TBC1D3B: variants seen among roughly 807,000 people sequenced by gnomAD.
TBC1D3B encodes Rab GTPase-activating protein PRC17 duplicate.
Under a neutral mutation model 27.1 loss-of-function variants are expected in TBC1D3B, and 2 were observed. The ratio of observed to expected loss-of-function variants is 0.07; its 90% CI spans 0.03 to 0.23. TBC1D3B has a LOEUF of 0.23. Among genes scored for constraint, TBC1D3B ranks in the 10% least tolerant of loss-of-function variants. The pLI is 1.00. For synonymous variants in TBC1D3B, 3 were observed against 150.1 expected, an observed-to-expected ratio of 0.02 and a Z score of 7.16; for missense variants, 17 against 401.3, an observed-to-expected ratio of 0.04 and a Z score of 8.18.
At chr17:36,169,631 C>T (rs1207062812) in intron 9 of TBC1D3B, among the ~76,000 whole-genome samples, 7 of 124,792 alleles carry the variant, frequency 5.6e-5, no homozygotes, top group Admixed American at 1.6e-4. Context: ...GAATCAGAGC[C>T]GGAGGGCGTG....
intron 7 of TBC1D3B, among the ~76,000 whole-genome samples, chr17:36,170,907 A>G (rs1432991789): frequency 2.2e-5 from 2 of 89,454 alleles, no homozygotes; most frequent in African/African-American, 5.4e-5. Context: ...ACGGTTCCAA[A>G]CCAATGTGCA....
chr17:36,171,382 G>A (rs1221665885), intron 7 of TBC1D3B, among the ~76,000 whole-genome samples: 23 of 150,734 alleles, frequency 1.5e-4, no homozygotes, highest in African/African-American at 5.3e-4. Context: ...TGTGGTTCAA[G>A]TCCATCGAGC....
rs1167944919 is a variant in TBC1D3B, at chr17:36,172,392, GATCT to G, written c.285_288del (p.Asp96GlufsTer8). 6.4e-7 allele frequency: 1 copy of G among 1,552,090 alleles called. No individual in the cohort carries two copies. The highest frequency in any genetic ancestry group is 8.9e-7 in the Non-Finnish European group (1 of 1,129,018). ...TTCATGGGCATTCCCTTGTACGCTC[GATCT>G]ATGAGCTGTGGGCAGAAAACAATCT... On this transcript the variant is annotated frameshift_variant, in exon 6 of 14. Transcript: ENST00000611257. LOFTEE classifies it high-confidence loss of function.
At chr17:36,167,882 CGA>C (rs2068284503) in intron 12 of TBC1D3B, among the ~76,000 whole-genome samples, 183 bp downstream of exon 12, 1 of 110,280 alleles carries the variant, frequency 9.1e-6, no homozygotes. Flanking sequence ...ACCACACTCT[CGA>C]CTTTCATCTG....
intron 7 of TBC1D3B, among the ~76,000 whole-genome samples, chr17:36,171,238 C>G (rs1454937677): frequency 6.6e-6 from 1 of 150,604 alleles, no homozygotes; most frequent in Non-Finnish European, 1.5e-5. Flanking sequence ...TCTCCCCATT[C>G]CCGTGTTGAA....
chr17:36,167,078 A>C (rs1213055866), intron 13 of TBC1D3B, among the ~76,000 whole-genome samples: 194 of 107,346 alleles, frequency 1.8e-3, no homozygotes, highest in African/African-American at 4.8e-3. Context: ...CTCTCCCTGA[A>C]TGCTCTGTGG....
At chr17:36,171,102 G>A (rs1482527413) in intron 7 of TBC1D3B, among the ~76,000 whole-genome samples, 11 of 143,980 alleles carry the variant, frequency 7.6e-5, no homozygotes, top group Non-Finnish European at 4.7e-5. Flanking sequence ...TACGGTGGTA[G>A]CTTATTGGGT....
intron 7 of TBC1D3B, among the ~76,000 whole-genome samples, chr17:36,170,917 A>G (rs1208349263): frequency 0.19 from 14,678 of 78,486 alleles, 83 homozygotes; most frequent in East Asian, 0.33. Flanking sequence ...ACCAATGTGC[A>G]GAGTCTCCCG....
chr17:36,169,202 T>C, intron 9 of TBC1D3B, 28 bp from the exon 10 acceptor site: 5 of 1,589,256 alleles, frequency 3.1e-6, no homozygotes, highest in Non-Finnish European at 1.7e-6. Context: ...CATCATGAAA[T>C]CAGAGCCTTC....
chr17:36,171,509 T>A (rs1314333264), intron 7 of TBC1D3B, among the ~76,000 whole-genome samples: 1 of 151,328 alleles, frequency 6.6e-6, no homozygotes, highest in East Asian at 1.9e-4. Context: ...GCTGTCACTG[T>A]TGCCTGGGGG....
At chr17:36,169,355 C>A (rs1265740292) in intron 9 of TBC1D3B, among the ~76,000 whole-genome samples, 181 bp from the exon 10 acceptor site, 1 of 149,588 alleles carries the variant, frequency 6.7e-6, no homozygotes, top group South Asian at 2.1e-4. Context: ...TTCCCTGGAG[C>A]CTGGCTGGAG....
chr17:36,165,732 T>A lies in TBC1D3B; in HGVS notation c.*263A>T. ...AAACGTGAAGGTAGTTATCCTTCCA[T>A]GAGTTTAAAGTACAAAGGCAGGCTC... On this transcript the variant is annotated 3_prime_UTR_variant, in exon 14 of 14. Coordinates refer to ENST00000611257, the MANE Select transcript of TBC1D3B (RefSeq NM_001001417.7). 3 of 976,046 alleles carry A rather than the reference T, an allele frequency of 3.1e-6. No individual in the cohort carries two copies. Among genetic ancestry groups the A allele is most frequent in the South Asian group, 3.2e-5 (2 of 62,960 alleles). 60.5% of individuals were successfully genotyped at this position (976,046 alleles called of 1,614,324 possible). A position where few individuals can be genotyped will look rare whatever the true frequency, so the allele number is the denominator to read the frequency against.
intron 7 of TBC1D3B, among the ~76,000 whole-genome samples, chr17:36,171,450 C>A (rs1024651833): frequency 2.0e-5 from 3 of 150,988 alleles, no homozygotes; most frequent in African/African-American, 7.2e-5. Flanking sequence ...ATGTTCCCAG[C>A]GGACCTGGAT....
At chr17:36,167,894 G>GTCC (rs2068284933) in intron 12 of TBC1D3B, among the ~76,000 whole-genome samples, 173 bp downstream of exon 12, 24,001 of 87,462 alleles carry the variant, frequency 0.27, 2,177 homozygotes, top group Non-Finnish European at 0.36. Flanking sequence ...ACTTTCATCT[G>GTCC]GGTCATGTGA....
At chr17:36,171,468 T>A (rs1319488472) in intron 7 of TBC1D3B, among the ~76,000 whole-genome samples, 2 of 151,076 alleles carry the variant, frequency 1.3e-5, no homozygotes, top group African/African-American at 4.8e-5. Context: ...GATGAGAGTT[T>A]CCAGGACCCC....
Position 36,175,074 on chromosome 17 carries a change from G to A in TBC1D3B, c.-1-23C>T, listed in dbSNP as rs1555539766. ...ATCCTGTGAGACAAAATTGTCTAAA[G>A]GTCACACTGTACGCGGCGGCTTCGG... On this transcript the variant is annotated intron_variant, in intron 1 of 13. Transcript: ENST00000611257. 2.0e-5 allele frequency: 19 copies of A among 927,774 alleles called. 8 individuals are homozygous for A. The highest frequency in any genetic ancestry group is 2.9e-5 in the Non-Finnish European group (19 of 655,890). The allele number at this position is 927,774 out of a possible 1,614,324, so 57.5% of individuals were successfully genotyped here.
chr17:36,171,565 T>C (rs1003582909), intron 7 of TBC1D3B, among the ~76,000 whole-genome samples: 4 of 150,534 alleles, frequency 2.7e-5, no homozygotes, highest in Non-Finnish European at 6.0e-5. Context: ...GGTCCTACCA[T>C]GGGTCCCCAT....
chr17:36,167,036 T>C (rs1254658263), intron 13 of TBC1D3B, among the ~76,000 whole-genome samples: 3 of 103,406 alleles, frequency 2.9e-5, no homozygotes, highest in African/African-American at 7.7e-5. Context: ...AACTCTTGGC[T>C]CTGGCTCTGG....
At chr17:36,176,258 C>A (rs2068421827) in intron 1 of TBC1D3B, 4 of 59,676 alleles carry the variant, frequency 6.7e-5, no homozygotes, top group African/African-American at 2.9e-4. Flanking sequence ...TGACCCCAGA[C>A]GTCTCATCTG....
Sources: allele counts gnomAD v4.1 joint callset (sites outside exome capture counted in the v4.1 genomes callset), GRCh38; gene constraint gnomAD v4.1.1; transcripts MANE v1.5; gene names NCBI Gene and HGNC (gene_info 2026-07-23, HGNC 2026-07-21).